The following KLHL1 variants were observed in gnomAD, a reference collection of about 807,000 sequenced individuals.
KLHL1 encodes kelch-like protein 1.
Under a neutral mutation model 77.7 loss-of-function variants are expected in KLHL1, and 47 were observed. The observed-to-expected ratio is 0.60, with a 90% CI of 0.48 to 0.77. The LOEUF (loss-of-function observed/expected upper bound fraction) is 0.77, where lower values mean the gene tolerates loss of function less well. KLHL1 is among the 30% of genes least tolerant of loss of function. The pLI is 0.00. For missense variants in KLHL1, 925 were observed against 910.8 expected, an observed-to-expected ratio of 1.02 and a Z score of -0.20; for synonymous variants, 360 against 325.2, an observed-to-expected ratio of 1.11 and a Z score of -1.15.
chr13:69,799,832 T>C (rs986058151), intron 6 of KLHL1, among the ~76,000 whole-genome samples: 1 of 152,116 alleles, frequency 6.6e-6, no homozygotes, highest in South Asian at 2.1e-4. Flanking sequence ...CCGTGGTCTG[T>C]TAGGAACCAG....
At chr13:69,911,223 C>T (rs1882227935) in intron 4 of KLHL1, among the ~76,000 whole-genome samples, 1 of 151,960 alleles carries the variant, frequency 6.6e-6, no homozygotes, top group Non-Finnish European at 1.5e-5. Flanking sequence ...ATTCCTAATA[C>T]ATTTTTCTTT....
intron 1 of KLHL1, among the ~76,000 whole-genome samples, chr13:70,036,806 C>T (rs900035582): frequency 6.8e-6 from 1 of 146,898 alleles, no homozygotes; most frequent in Non-Finnish European, 1.5e-5. Context: ...CTTTCTAGCC[C>T]AACTTGGGTT....
rs550147839 is a variant in KLHL1, at chr13:69,961,993, T to C, written c.681-549A>G. ...TAGGCTTTCAAGTCTTAAGTAACTT[T>C]TTAAGTTTTAAAAATAATTCCTAAA... is the stretch of plus-strand genomic sequence containing the variant. On this transcript the variant is annotated intron_variant, in intron 2 of 10. Transcript: ENST00000377844. Among the ~76,000 whole-genome samples, 6 of 152,170 alleles carry C rather than the reference T, an allele frequency of 3.9e-5. No homozygotes were observed. In the East Asian group the frequency reaches 1.2e-3, roughly 29 times the overall value.
chr13:69,961,348 G>A lies in KLHL1; in HGVS notation c.777C>T (p.Asp259=). 2 of 1,612,954 alleles carry A rather than the reference G, an allele frequency of 1.2e-6. No homozygotes were observed. The highest frequency in any genetic ancestry group is 1.7e-5 in the Admixed American group (1 of 59,886). ...GGACAAGGTCCCAGAGAGCATTGGG[G>A]TCTATGCCTTCCATTTTGATCTCCT... The part of the protein sequence containing the change: ...KQEEIKMEGI[D]PNALWDLVQF... Residue 259 remains aspartate (D), a synonymous_variant, in exon 3 of 11, where the codon GAC becomes GAT. Transcript: ENST00000377844.
intron 1 of KLHL1, among the ~76,000 whole-genome samples, chr13:70,051,660 T>C (rs1886632727): frequency 1.3e-5 from 2 of 152,072 alleles, no homozygotes; most frequent in South Asian, 2.1e-4. Flanking sequence ...CGTAAGTTTA[T>C]GGGGCACATG....
At chr13:69,967,901 G>T (rs1032630351) in intron 2 of KLHL1, among the ~76,000 whole-genome samples, 30 of 140,158 alleles carry the variant, frequency 2.1e-4, no homozygotes, top group African/African-American at 7.5e-4. Context: ...AAAAAAAAAA[G>T]AAATAAAAAA....
At chr13:69,886,817 C>CATTA (rs1881236952) in intron 4 of KLHL1, among the ~76,000 whole-genome samples, 2 of 152,038 alleles carry the variant, frequency 1.3e-5, no homozygotes, top group Admixed American at 1.3e-4. Flanking sequence ...ACTCTGTGAC[C>CATTA]ATTAGTCAAT....
intron 9 of KLHL1, among the ~76,000 whole-genome samples, chr13:69,713,446 A>G (rs7339358): frequency 0.43 from 65,283 of 151,906 alleles, 14,314 homozygotes; most frequent in African/African-American, 0.49. Flanking sequence ...AACAACATTA[A>G]TTTATTTTTC....
chr13:69,746,781 T>C (rs1489439150), intron 7 of KLHL1, among the ~76,000 whole-genome samples: 1 of 151,984 alleles, frequency 6.6e-6, no homozygotes, highest in East Asian at 1.9e-4. Flanking sequence ...GAGACCACAG[T>C]CACAATCAAG....
intron 1 of KLHL1, among the ~76,000 whole-genome samples, chr13:70,104,185 T>C (rs1887991551): frequency 6.6e-6 from 1 of 152,136 alleles, no homozygotes; most frequent in Non-Finnish European, 1.5e-5. Flanking sequence ...TTCTAATGTA[T>C]ATTTAGACAG....
intron 1 of KLHL1, among the ~76,000 whole-genome samples, chr13:70,074,823 A>T (rs1887222012): frequency 6.6e-6 from 1 of 152,096 alleles, no homozygotes; most frequent in Non-Finnish European, 1.5e-5. Context: ...AGAACTCAAA[A>T]AATAAACAAA....
intron 6 of KLHL1, among the ~76,000 whole-genome samples, chr13:69,834,177 A>G (rs1593871613): frequency 6.6e-6 from 1 of 152,070 alleles, no homozygotes; most frequent in Non-Finnish European, 1.5e-5. Flanking sequence ...AATCTCAGAA[A>G]TCACCACTAA....
At chr13:69,962,335 T>C (rs1310661417) in intron 2 of KLHL1, among the ~76,000 whole-genome samples, 2 of 152,124 alleles carry the variant, frequency 1.3e-5, no homozygotes, top group Non-Finnish European at 2.9e-5. Context: ...TGGTGAATTA[T>C]GTTTGCTAGT....
chr13:70,067,017 C>A (rs1026917275), intron 1 of KLHL1, among the ~76,000 whole-genome samples: 8 of 152,162 alleles, frequency 5.3e-5, no homozygotes, highest in African/African-American at 1.9e-4. Context: ...AAGCTCTAGG[C>A]ACTCACTAGG....
At chr13:69,779,475 A>T (rs1876022384) in intron 7 of KLHL1, among the ~76,000 whole-genome samples, 1 of 118,084 alleles carries the variant, frequency 8.5e-6, no homozygotes, top group Non-Finnish European at 1.7e-5. Context: ...TTTTCCTTTT[A>T]CTGTTGCTTT....
At chr13:69,848,028 A>G (rs1879538454) in intron 5 of KLHL1, among the ~76,000 whole-genome samples, 1 of 151,546 alleles carries the variant, frequency 6.6e-6, no homozygotes, top group South Asian at 2.1e-4. Flanking sequence ...ATGAACCCTG[A>G]GCCTATTTAA....
intron 6 of KLHL1, among the ~76,000 whole-genome samples, chr13:69,832,754 T>C (rs1806052786): frequency 6.6e-6 from 1 of 151,816 alleles, no homozygotes; most frequent in Non-Finnish European, 1.5e-5. Context: ...GGTATAAAAA[T>C]AGGCACACAG....
intron 2 of KLHL1, among the ~76,000 whole-genome samples, chr13:69,966,084 C>A (rs1240451330): frequency 1.3e-5 from 2 of 152,068 alleles, no homozygotes; most frequent in Non-Finnish European, 2.9e-5. Flanking sequence ...TTTGTTCCAA[C>A]CTAACAGAAG....
At chr13:70,057,871 C>T (rs1350308641) in intron 1 of KLHL1, among the ~76,000 whole-genome samples, 1 of 150,700 alleles carries the variant, frequency 6.6e-6, no homozygotes, top group African/African-American at 2.4e-5. Flanking sequence ...CAAAAATCCT[C>T]AATAAATTAT....
Sources: gnomAD v4.1 joint callset for allele counts (sites outside exome capture counted in the v4.1 genomes callset) on GRCh38, gnomAD v4.1.1 for gene constraint, MANE v1.5 for transcripts, NCBI Gene and HGNC (gene_info 2026-07-23, HGNC 2026-07-21) for gene names.